Variants in PREX2 observed in about 807,000 individuals in gnomAD.
The protein encoded by PREX2 is phosphatidylinositol-3,4,5-trisphosphate dependent Rac exchange factor 2.
PREX2 carries 107 observed loss-of-function variants against 203.2 expected under a neutral mutation model. That is an observed-to-expected ratio of 0.53 (90% CI 0.45 to 0.62). PREX2 has a LOEUF of 0.62. Among genes scored for constraint, PREX2 ranks in the 20% least tolerant of loss-of-function variants. The pLI, the probability that PREX2 is intolerant of heterozygous loss-of-function variation, is 0.00. For missense variants in PREX2, 1,777 were observed against 1,955.9 expected, an observed-to-expected ratio of 0.91 and a Z score of 1.72; for synonymous variants, 672 against 663.6, an observed-to-expected ratio of 1.01 and a Z score of -0.19.
intron 35 of PREX2, among the ~76,000 whole-genome samples, chr8:68,165,160 G>T (rs1811736377): frequency 6.6e-6 from 1 of 151,968 alleles, no homozygotes. Flanking sequence ...CTCAGCAGGA[G>T]TGCTGCCTCA....
chr8:68,133,138 G>T (rs1020220965), intron 31 of PREX2, among the ~76,000 whole-genome samples: 1 of 152,172 alleles, frequency 6.6e-6, no homozygotes, highest in Admixed American at 6.5e-5. Context: ...ATGGCGGCAG[G>T]CAAGAGAGAG....
At chr8:68,054,290 G>A (rs1343668961) in intron 9 of PREX2, among the ~76,000 whole-genome samples, 2 of 151,064 alleles carry the variant, frequency 1.3e-5, no homozygotes, top group African/African-American at 4.9e-5. Flanking sequence ...CAGTCAATTC[G>A]AATAGCAAAC....
At chr8:68,047,384 G>C (rs553217572) in intron 8 of PREX2, among the ~76,000 whole-genome samples, 3 of 150,066 alleles carry the variant, frequency 2.0e-5, no homozygotes, top group Non-Finnish European at 4.4e-5. Context: ...GGGATAAACA[G>C]ATACTATCAG....
intron 1 of PREX2, among the ~76,000 whole-genome samples, chr8:68,002,060 A>G (rs568736365): frequency 2.0e-5 from 3 of 151,682 alleles, no homozygotes; most frequent in Non-Finnish European, 2.9e-5. Flanking sequence ...ACAAACCTGC[A>G]TATGTACCCT....
chr8:68,025,214 A>T (rs1476584126), intron 4 of PREX2, among the ~76,000 whole-genome samples: 1 of 151,506 alleles, frequency 6.6e-6, no homozygotes, highest in African/African-American at 2.4e-5. Flanking sequence ...TTTTTTTTAA[A>T]TCTGCGAATG....
At chr8:67,997,566 T>C (rs1274253922) in intron 1 of PREX2, among the ~76,000 whole-genome samples, 1 of 152,212 alleles carries the variant, frequency 6.6e-6, no homozygotes, top group Non-Finnish European at 1.5e-5. Flanking sequence ...ACTTTCCTTT[T>C]TTTCCCCCAA....
Position 68,120,240 on chromosome 8 carries a change from G to A in PREX2, c.3549G>A (p.Arg1183=). 1 of 1,613,808 alleles carries A rather than the reference G, an allele frequency of 6.2e-7. No homozygotes were observed. The highest frequency in any genetic ancestry group is 8.5e-7 in the Non-Finnish European group (1 of 1,179,786). The change falls in exon 29 of 40, where the codon AGG becomes AGA. Residue 1183 remains arginine (R), a synonymous_variant. Transcript: ENST00000288368. ...TCCTAAAAGGGCAGGCTGTTGTGAG[G>A]GCCTTTGACCAAACCAAGTATCTCA... ...TNLLKGQAVV[R]AFDQTKYLTP... is the part of the protein sequence containing the mutation.
In PREX2 at chr8:67,952,429, A is replaced by C; in HGVS notation, c.35A>C (p.Glu12Ala). ...SEDSRGDSRA[E>A]SAKDLEKQLR... Reference sequence around the variant, plus strand: ...GACAGCCGCGGAGACAGCCGCGCCGAGAGCGCCAAGGACCTGGAGAAGCAG... The same window carrying C: ...GACAGCCGCGGAGACAGCCGCGCCGCGAGCGCCAAGGACCTGGAGAAGCAG... Residue 12 changes from glutamate to alanine, a missense_variant, in exon 1 of 40, where the codon GAG becomes GCG. By Grantham distance (107) the Glu-to-Ala change is moderately radical. Transcript: ENST00000288368. 3 of 1,580,908 alleles carry C rather than the reference A, an allele frequency of 1.9e-6. No individual in the cohort carries two copies. The highest frequency in any genetic ancestry group is 2.6e-6 in the Non-Finnish European group (3 of 1,164,570).
intron 3 of PREX2, 27 bp from the exon 4 acceptor site, chr8:68,022,009 C>T (rs1282017004): frequency 9.6e-7 from 1 of 1,043,188 alleles, no homozygotes; most frequent in Non-Finnish European, 1.5e-6. Flanking sequence ...AATAAAATGA[C>T]TAATTTATTC....
intron 6 of PREX2, among the ~76,000 whole-genome samples, chr8:68,031,287 C>T (rs1197244546): frequency 6.6e-6 from 1 of 152,116 alleles, no homozygotes; most frequent in African/African-American, 2.4e-5. Context: ...TACTTTACCA[C>T]TATGCAAAGA....
chr8:68,063,576 T>C (rs1368803338), intron 11 of PREX2, among the ~76,000 whole-genome samples: 1 of 152,120 alleles, frequency 6.6e-6, no homozygotes, highest in Non-Finnish European at 1.5e-5. Flanking sequence ...AGTCACTATA[T>C]TAGGGAGGTT....
chr8:68,010,095 G>C (rs1807217486), intron 1 of PREX2, among the ~76,000 whole-genome samples: 1 of 152,196 alleles, frequency 6.6e-6, no homozygotes, highest in Non-Finnish European at 1.5e-5. Context: ...GCACCTTAGA[G>C]TTTGATCCTC....
intron 1 of PREX2, among the ~76,000 whole-genome samples, chr8:67,993,222 T>C (rs1806658953): frequency 6.6e-6 from 1 of 152,192 alleles, no homozygotes; most frequent in African/African-American, 2.4e-5. Context: ...TTGTATCATC[T>C]GACTATACTC....
rs996307379 is a variant in PREX2, at chr8:68,027,274, A to G, written c.494A>G (p.Tyr165Cys). ...AACACAGATGTTCCCTTGGAAGGAT[A>G]TTTAGTAACACCAATACAAAGAATA... is the stretch of plus-strand genomic sequence containing the variant. ...RKNTDVPLEG[Y>C]LVTPIQRICK... is the part of the protein sequence containing the mutation. The change falls in exon 5 of 40, where the codon TAT (tyrosine) becomes TGT (cysteine). Residue 165 changes from tyrosine to cysteine, a missense_variant. Tyr to Cys is a radical substitution (Grantham distance 194). Transcript: ENST00000288368. The G allele has an allele frequency of 5.0e-6, 8 of 1,612,184 alleles. No homozygotes were observed. Among genetic ancestry groups the G allele is most frequent in the East Asian group, 2.2e-5 (1 of 44,808 alleles).
intron 1 of PREX2, among the ~76,000 whole-genome samples, chr8:67,960,801 C>A (rs577648137): frequency 6.6e-6 from 1 of 152,034 alleles, no homozygotes; most frequent in African/African-American, 2.4e-5. Context: ...ATGATTTGGA[C>A]ACACACTTTC....
At chr8:68,218,151 G>A (rs1263859531) in intron 38 of PREX2, among the ~76,000 whole-genome samples, 1 of 152,128 alleles carries the variant, frequency 6.6e-6, no homozygotes, top group Non-Finnish European at 1.5e-5. Flanking sequence ...GGACATTCAT[G>A]CCATACTCAG....
At chr8:68,030,020 A>T (rs1160603071) in intron 5 of PREX2, among the ~76,000 whole-genome samples, 3 of 152,140 alleles carry the variant, frequency 2.0e-5, no homozygotes, top group Non-Finnish European at 4.4e-5. Flanking sequence ...ACATTATTTT[A>T]AAATTTTACT....
At position 68,030,511 on chromosome 8, in the gene PREX2, G is replaced by T. The variant is rs748193527; in HGVS notation, c.558G>T (p.Arg186=). 6.2e-7 allele frequency: 1 copy of T among 1,613,054 alleles called. No homozygotes were observed. Among genetic ancestry groups the T allele is most frequent in the East Asian group, 2.2e-5 (1 of 44,826 alleles). ...TGTATAAACAGGAGTTGCTGAAGCGGACTCCACGGAAACACAGTGACTATG... is the reference window on the plus strand; with the variant it reads ...TGTATAAACAGGAGTTGCTGAAGCGTACTCCACGGAAACACAGTGACTATG... ...YPLILKELLK[R]TPRKHSDYAA... Residue 186 remains arginine (R), a synonymous_variant, in exon 6 of 40, where the codon CGG becomes CGT. Coordinates refer to ENST00000288368, the MANE Select transcript of PREX2 (RefSeq NM_024870.4).
At chr8:68,192,232 A>G (rs1410904505) in intron 36 of PREX2, 103 bp from the exon 37 acceptor site, 1 of 845,120 alleles carries the variant, frequency 1.2e-6, no homozygotes, top group Non-Finnish European at 1.8e-6. Flanking sequence ...TTACCACCAA[A>G]ATGAAATAAA....
Sources: allele counts gnomAD v4.1 joint callset (sites outside exome capture counted in the v4.1 genomes callset), GRCh38; gene constraint gnomAD v4.1.1; transcripts MANE v1.5; gene names NCBI Gene and HGNC (gene_info 2026-07-23, HGNC 2026-07-21).